The following GRIA1 variants were observed in gnomAD, a reference collection of about 807,000 sequenced individuals.
GRIA1 encodes glutamate receptor 1.
Under a neutral mutation model 99.2 loss-of-function variants are expected in GRIA1, and 31 were observed. The observed-to-expected ratio is 0.31, with a 90% CI of 0.23 to 0.42. The LOEUF (loss-of-function observed/expected upper bound fraction) is 0.42, where lower values mean the gene tolerates loss of function less well. Among genes scored for constraint, GRIA1 ranks in the 10% least tolerant of loss-of-function variants. The pLI, the probability that GRIA1 is intolerant of heterozygous loss-of-function variation, is 1.00. For synonymous variants in GRIA1, 438 were observed against 432.4 expected (o/e 1.01, Z -0.16); for missense variants, 782 against 1,157.5 (o/e 0.68, Z 4.71).
chr5:153,694,642 G>T (rs1011369972), intron 8 of GRIA1, among the ~76,000 whole-genome samples: 7 of 152,210 alleles, frequency 4.6e-5, no homozygotes, highest in African/African-American at 1.7e-4. Flanking sequence ...GACCACAGAG[G>T]TCAGGTAACT....
At chr5:153,736,035 A>C (rs1408173325) in intron 11 of GRIA1, among the ~76,000 whole-genome samples, 1 of 152,212 alleles carries the variant, frequency 6.6e-6, no homozygotes, top group East Asian at 1.9e-4. Flanking sequence ...AATCATCAGC[A>C]TACAGTATTT....
At chr5:153,740,902 G>T (rs962436485) in intron 11 of GRIA1, among the ~76,000 whole-genome samples, 2 of 150,366 alleles carry the variant, frequency 1.3e-5, no homozygotes, top group African/African-American at 4.9e-5. Context: ...CCATAGATAC[G>T]TAACCTGAGC....
intron 1 of GRIA1, 152 bp from the exon 2 acceptor site, chr5:153,493,776 G>C: frequency 1.4e-6 from 1 of 718,880 alleles, no homozygotes; most frequent in Non-Finnish European, 2.3e-6. Flanking sequence ...TCAGTGTCCA[G>C]TTAAGCCTAT....
chr5:153,650,653 T>C, intron 4 of GRIA1, 139 bp downstream of exon 4: 1 of 735,508 alleles, frequency 1.4e-6, no homozygotes, highest in Non-Finnish European at 2.2e-6. Flanking sequence ...TCTATCTCAT[T>C]TTCTATAATT....
chr5:153,650,954 C>T (rs1038144547), intron 4 of GRIA1, among the ~76,000 whole-genome samples: 3 of 150,484 alleles, frequency 2.0e-5, no homozygotes, highest in African/African-American at 7.3e-5. Context: ...ACCCATAATC[C>T]CAGCTACTCA....
chr5:153,697,971 C>T, intron 8 of GRIA1, 73 bp from the exon 9 acceptor site: 2 of 701,078 alleles, frequency 2.9e-6, no homozygotes, highest in South Asian at 3.6e-5. Flanking sequence ...CTGGTATTGA[C>T]TGGGTGACCC....
At chr5:153,493,049 G>A (rs1754074468) in intron 1 of GRIA1, among the ~76,000 whole-genome samples, 1 of 152,204 alleles carries the variant, frequency 6.6e-6, no homozygotes, top group Admixed American at 6.5e-5. Context: ...TTAATTCACA[G>A]AAATGTAATT....
chr5:153,796,232 G>C (rs1387927126), intron 14 of GRIA1, among the ~76,000 whole-genome samples: 1 of 152,022 alleles, frequency 6.6e-6, no homozygotes, highest in Admixed American at 6.5e-5. Context: ...AGGCTTTAGA[G>C]TTGAAAGAGA....
At chr5:153,605,356 G>C (rs1268585693) in intron 2 of GRIA1, among the ~76,000 whole-genome samples, 3 of 152,144 alleles carry the variant, frequency 2.0e-5, no homozygotes, top group African/African-American at 7.2e-5. Flanking sequence ...TTTCATTCCT[G>C]TATAGGATTC....
intron 1 of GRIA1, among the ~76,000 whole-genome samples, chr5:153,493,467 T>C (rs1298281763): frequency 6.6e-6 from 1 of 152,144 alleles, no homozygotes; most frequent in South Asian, 2.1e-4. Context: ...AGAGCTAGAT[T>C]TCAATCACCC....
intron 2 of GRIA1, among the ~76,000 whole-genome samples, chr5:153,520,244 C>T (rs1265116818): frequency 1.3e-5 from 2 of 152,190 alleles, no homozygotes; most frequent in Non-Finnish European, 2.9e-5. Context: ...ATTCATTCAA[C>T]TTTTATTTAG....
chr5:153,617,515 C>T (rs17114876), intron 2 of GRIA1, among the ~76,000 whole-genome samples: 27,674 of 152,124 alleles, frequency 0.18, 3,738 homozygotes, highest in East Asian at 0.76. Context: ...TAGTCCTTTG[C>T]TAGGGTTGTA....
chr5:153,510,356 C>T (rs1028222453), intron 2 of GRIA1, among the ~76,000 whole-genome samples: 4 of 152,020 alleles, frequency 2.6e-5, no homozygotes, highest in South Asian at 2.1e-4. Flanking sequence ...AGACAGTTTC[C>T]GACATGTACT....
At chr5:153,735,530 G>C (rs1354282818) in intron 11 of GRIA1, among the ~76,000 whole-genome samples, 1 of 152,180 alleles carries the variant, frequency 6.6e-6, no homozygotes, top group Non-Finnish European at 1.5e-5. Context: ...ACCAGGGCCA[G>C]GGTGTAGCAT....
At chr5:153,538,859 G>A (rs1489861561) in intron 2 of GRIA1, among the ~76,000 whole-genome samples, 1 of 152,176 alleles carries the variant, frequency 6.6e-6, no homozygotes, top group Non-Finnish European at 1.5e-5. Context: ...CCTCTGGATG[G>A]TTATGATCCT....
rs1393627019 is a variant in GRIA1, at chr5:153,490,675, A to T, written c.-214A>T. 3.6e-5 allele frequency: 22 copies of T among 618,120 alleles called. No homozygotes were observed. Among genetic ancestry groups the T allele is most frequent in the Non-Finnish European group, 5.8e-5 (20 of 343,720 alleles). 38.3% of individuals were successfully genotyped at this position (618,120 alleles called of 1,614,324 possible). A position where few individuals can be genotyped will look rare whatever the true frequency, so the allele number is the denominator to read the frequency against. On this transcript the variant is annotated 5_prime_UTR_variant, in exon 1 of 16. Transcript: ENST00000285900. ...GGGCTTCTTTTCCCGTGCTCAGTTA[A>T]TCTGGCTGTCAGTTGGTGTTAACGC...
intron 2 of GRIA1, among the ~76,000 whole-genome samples, chr5:153,614,492 G>A (rs541546285): frequency 1.9e-4 from 29 of 152,018 alleles, no homozygotes; most frequent in Non-Finnish European, 3.7e-4. Context: ...TATTATCCCC[G>A]TTTTGCAAAT....
intron 11 of GRIA1, among the ~76,000 whole-genome samples, chr5:153,741,944 A>AG (rs1430528007): frequency 3.2e-5 from 4 of 126,658 alleles, no homozygotes. Context: ...TAAAAAAAAA[A>AG]AAAAAAGAAA....
intron 11 of GRIA1, 74 bp from the exon 12 acceptor site, chr5:153,764,360 C>T (rs908637796): frequency 2.7e-5 from 31 of 1,137,298 alleles, no homozygotes; most frequent in Middle Eastern, 2.5e-4. Context: ...GCCCCGGACC[C>T]GTGCTCAGTC....
Sources: gnomAD v4.1 joint callset for allele counts (sites outside exome capture counted in the v4.1 genomes callset) on GRCh38, gnomAD v4.1.1 for gene constraint, MANE v1.5 for transcripts, NCBI Gene and HGNC (gene_info 2026-07-23, HGNC 2026-07-21) for gene names.